ZNF800: variants seen among roughly 807,000 people sequenced by gnomAD.
The protein encoded by ZNF800 is zinc finger protein 800.
Under a neutral mutation model 59.5 loss-of-function variants are expected in ZNF800, and 13 were observed. That is an observed-to-expected ratio of 0.22 (90% CI 0.14 to 0.35). The LOEUF (loss-of-function observed/expected upper bound fraction) is 0.35, where lower values mean the gene tolerates loss of function less well. Among genes scored for constraint, ZNF800 ranks in the 10% least tolerant of loss-of-function variants. The pLI, the probability that ZNF800 is intolerant of heterozygous loss-of-function variation, is 1.00. For missense variants in ZNF800, 621 were observed against 783.7 expected (o/e 0.79, Z 2.48); for synonymous variants, 266 against 265.7 (o/e 1.00, Z -0.01).
At chr7:127,359,467 TA>T in intron 1 of ZNF800, among the ~76,000 whole-genome samples, 1 of 91,590 alleles carries the variant, frequency 1.1e-5, no homozygotes, top group South Asian at 4.3e-4. Flanking sequence ...GAAAGCAAAA[TA>T]TTTTTAAGTA....
chr7:127,390,972 A>T (rs919524719), intron 2 of ZNF800, among the ~76,000 whole-genome samples: 2 of 152,238 alleles, frequency 1.3e-5, no homozygotes, highest in Non-Finnish European at 2.9e-5. Flanking sequence ...GCAATATAAT[A>T]TGTTCTGCCC....
At chr7:127,346,574 G>A (rs912717146), downstream of ZNF800, among the ~76,000 whole-genome samples, 3 of 152,116 alleles carry the variant, frequency 2.0e-5, no homozygotes, top group African/African-American at 7.2e-5. Context: ...ACGCAAGACA[G>A]GGGCTGATAA....
At chr7:127,391,957 C>G in intron 1 of ZNF800, 103 bp downstream of exon 1, 4 of 377,894 alleles carry the variant, frequency 1.1e-5, no homozygotes, top group Non-Finnish European at 1.9e-5. Flanking sequence ...GGAGGTGCCG[C>G]TCCCGCCGGC....
chr7:127,368,986 A>C (rs10487480), downstream of ZNF800, among the ~76,000 whole-genome samples: 21,098 of 151,472 alleles, frequency 0.14, 1,765 homozygotes, highest in Middle Eastern at 0.22. Flanking sequence ...CACTCTTCAA[A>C]GGTTTTCTTC....
intron 3 of ZNF800, among the ~76,000 whole-genome samples, chr7:127,380,420 T>G (rs538748462): frequency 1.3e-5 from 2 of 152,344 alleles, no homozygotes; most frequent in Non-Finnish European, 2.9e-5. Context: ...AATGAGACTT[T>G]AAAACTTTTT....
chr7:127,375,220 T>C (rs1387845173), intron 4 of ZNF800, among the ~76,000 whole-genome samples, 186 bp from the exon 5 acceptor site: 1 of 152,104 alleles, frequency 6.6e-6, no homozygotes, highest in Non-Finnish European at 1.5e-5. Flanking sequence ...AAATTTCCTT[T>C]AAATTCTCAT....
At chr7:127,369,269 G>A (rs1587434104), downstream of ZNF800, among the ~76,000 whole-genome samples, 1 of 152,112 alleles carries the variant, frequency 6.6e-6, no homozygotes, top group South Asian at 2.1e-4. Flanking sequence ...TAGCAGCAAA[G>A]GTAGATATAA....
At chr7:127,348,968 C>T (rs1800122023) in intron 1 of ZNF800, among the ~76,000 whole-genome samples, 1 of 152,022 alleles carries the variant, frequency 6.6e-6, no homozygotes, top group Non-Finnish European at 1.5e-5. Flanking sequence ...TACAGTATTA[C>T]AGAAGAGTTT....
chr7:127,351,901 A>G (rs1800174281), intron 1 of ZNF800, among the ~76,000 whole-genome samples: 1 of 152,232 alleles, frequency 6.6e-6, no homozygotes, highest in African/African-American at 2.4e-5. Context: ...AATCAAATGT[A>G]TTCTGGAACT....
In ZNF800 at chr7:127,373,648, T is replaced by C; in HGVS notation, c.1688A>G (p.Lys563Arg). 1 of 1,614,102 alleles carries C rather than the reference T, an allele frequency of 6.2e-7. No homozygotes were observed. Among genetic ancestry groups the C allele is most frequent in the Non-Finnish European group, 8.5e-7 (1 of 1,180,002 alleles). ...TTTATTTAGAACAAAATCAATAGGC[T>C]TTTTTATAGCTCTGATCTCTAAACT... The part of the protein sequence containing the change: ...TASLEIRAIK[K>R]PIDFVLNKVA... The change falls in exon 5 of 6, where the codon AAG becomes AGG. Residue 563 changes from lysine (K) to arginine (R), a missense_variant. This residue lies in a region of ZNF800 where 46 missense variants were observed against 118.4 expected (regional missense o/e 0.39). Transcript: ENST00000265827.
At chr7:127,372,472 C>T (rs1023081109) in intron 5 of ZNF800, 9 of 438,868 alleles carry the variant, frequency 2.1e-5, no homozygotes, top group Non-Finnish European at 2.3e-5. Flanking sequence ...AAGAGCGAAA[C>T]TCCGTCTCAA....
intron 1 of ZNF800, chr7:127,361,437 C>T (rs1800390941): frequency 6.6e-6 from 1 of 151,888 alleles, no homozygotes; most frequent in Non-Finnish European, 1.5e-5. Context: ...TAAAAATTAG[C>T]AAGGTGTGGT....
At chr7:127,357,768 C>T (rs189040480) in intron 1 of ZNF800, among the ~76,000 whole-genome samples, 16 of 151,790 alleles carry the variant, frequency 1.1e-4, no homozygotes, top group Middle Eastern at 3.4e-3. Context: ...AATACTATTA[C>T]AATTTAATTA....
At chr7:127,360,386 A>G (rs1303806808) in intron 1 of ZNF800, 1 of 152,136 alleles carries the variant, frequency 6.6e-6, no homozygotes, top group African/African-American at 2.4e-5. Flanking sequence ...CCTCTACTCT[A>G]GTACATTGAA....
downstream of ZNF800, among the ~76,000 whole-genome samples, chr7:127,369,038 C>CAAAAAA (rs57948552): frequency 6.8e-6 from 1 of 146,940 alleles, no homozygotes; most frequent in African/African-American, 2.5e-5. Context: ...AGACATAAAC[C>CAAAAAA]AAAAAAAAAA....
At chr7:127,358,962 A>G (rs186129056) in intron 1 of ZNF800, among the ~76,000 whole-genome samples, 1 of 152,158 alleles carries the variant, frequency 6.6e-6, no homozygotes, top group African/African-American at 2.4e-5. Flanking sequence ...TATTATTACT[A>G]ATCTGTCCCC....
At chr7:127,369,835 C>T (rs1298110894), downstream of ZNF800, among the ~76,000 whole-genome samples, 4 of 151,904 alleles carry the variant, frequency 2.6e-5, no homozygotes, top group African/African-American at 7.3e-5. Flanking sequence ...GGCTCCCCTC[C>T]TCCAATATCA....
At chr7:127,365,462 C>T (rs1300786214), downstream of ZNF800, among the ~76,000 whole-genome samples, 1 of 152,064 alleles carries the variant, frequency 6.6e-6, no homozygotes, top group East Asian at 1.9e-4. Flanking sequence ...GTGCTAGGTA[C>T]ACTATGAGGC....
chr7:127,371,948 A>AT lies in ZNF800; in HGVS notation c.*-135dup, dbSNP rs542702452. 2.0e-5 allele frequency: 12 copies of AT among 589,700 alleles called. No homozygotes were observed. The African/African-American group carries it at 2.3e-4, about 11-fold the overall frequency. 36.5% of individuals were successfully genotyped at this position (589,700 alleles called of 1,614,324 possible). A position where few individuals can be genotyped will look rare whatever the true frequency, so the allele number is the denominator to read the frequency against. On this transcript the variant is annotated intron_variant, in intron 5 of 5. Coordinates refer to ENST00000265827, the MANE Select transcript of ZNF800 (RefSeq NM_176814.5). The stretch of plus-strand genomic sequence containing the variant: ...TTCCACACAAATAAAAAAACGTGTG[A>AT]TAATCAAACCACAACATTTAACCCT...
Sources: allele counts gnomAD v4.1 joint callset (sites outside exome capture counted in the v4.1 genomes callset), GRCh38; gene constraint gnomAD v4.1.1; regional missense constraint gnomAD v4.1.1; transcripts MANE v1.5; gene names NCBI Gene and HGNC (gene_info 2026-07-23, HGNC 2026-07-21).